The following HMGXB3 variants were observed in gnomAD, a reference collection of about 807,000 sequenced individuals.
HMGXB3 encodes the protein HMG domain-containing protein 3.
Under a neutral mutation model 121.5 loss-of-function variants are expected in HMGXB3, and 45 were observed. The observed-to-expected ratio is 0.37, with a 90% CI of 0.29 to 0.47. HMGXB3 has a LOEUF of 0.47. Ranked by LOEUF, HMGXB3 falls within the 20% of genes least tolerant of loss-of-function variation. The pLI is 0.99. For synonymous variants in HMGXB3, 590 were observed against 624.1 expected, an observed-to-expected ratio of 0.95 and a Z score of 0.81; for missense variants, 1,376 against 1,602.2, an observed-to-expected ratio of 0.86 and a Z score of 2.41.
At chr5:150,032,156 G>A (rs1231899951) in intron 10 of HMGXB3, among the ~76,000 whole-genome samples, 3 of 152,178 alleles carry the variant, frequency 2.0e-5, no homozygotes, top group Non-Finnish European at 2.9e-5. Context: ...AAACAGACCT[G>A]CTTTACTCCA....
At chr5:150,009,799 A>G (rs1048775115) in intron 3 of HMGXB3, among the ~76,000 whole-genome samples, 1 of 152,206 alleles carries the variant, frequency 6.6e-6, no homozygotes, top group African/African-American at 2.4e-5. Context: ...GCTCAAGGCT[A>G]TGCCAGACCT....
intron 11 of HMGXB3, among the ~76,000 whole-genome samples, chr5:150,033,659 G>C (rs373797576): frequency 6.6e-6 from 1 of 152,142 alleles, no homozygotes; most frequent in African/African-American, 2.4e-5. Flanking sequence ...TAGTCAGTGG[G>C]GTCCTACTGA....
At chr5:150,032,638 G>T (rs1353508010) in intron 11 of HMGXB3, 35 bp downstream of exon 11, 57 of 1,550,348 alleles carry the variant, frequency 3.7e-5, no homozygotes, top group Non-Finnish European at 4.9e-5. Context: ...CCCCTGGCCT[G>T]TTCTGGGCTC....
chr5:150,044,611 A>G (rs868554984), intron 15 of HMGXB3, among the ~76,000 whole-genome samples: 4 of 152,168 alleles, frequency 2.6e-5, no homozygotes, highest in Non-Finnish European at 5.9e-5. Context: ...AGGAATTTGC[A>G]TTTCTAACAA....
rs1322259648 is a variant in HMGXB3 at position 150,050,405 on chromosome 5, A to G, written c.3355A>G (p.Asn1119Asp). 6.4e-7 allele frequency: 1 copy of G among 1,551,568 alleles called. No individual in the cohort carries two copies. The highest frequency in any genetic ancestry group is 8.7e-7 in the Non-Finnish European group (1 of 1,146,982). Residue 1119 changes from asparagine (N) to aspartate (D), a missense_variant, in exon 19 of 20, where the codon AAC becomes GAC. Transcript: ENST00000502717. ...CADLCYPELT[N>D]QMWGRNQGCF... ...TGACCTCTGCTACCCAGAGCTGACT[A>G]ACCAGATGTGGGGGAGGAACCAGGG...
chr5:150,050,260 C>T lies in HMGXB3; in HGVS notation c.3210C>T (p.Cys1070=), dbSNP rs888027843. Residue 1070 remains cysteine, a synonymous_variant, in exon 19 of 20, where the codon TGC becomes TGT. Transcript: ENST00000502717. ...CACCCTTCATCTCCCAGGTGGTCTG[C>T]GGCTCCAAGTATCTTGTGCGAGGTG... is the stretch of plus-strand genomic sequence containing the variant. ...IYKVCPHQVV[C]GSKYLVRGES... is the part of the protein sequence containing the mutation. 60 of 1,551,686 alleles carry T rather than the reference C, an allele frequency of 3.9e-5. No homozygotes were observed. Among genetic ancestry groups the T allele is most frequent in the Non-Finnish European group, 5.0e-5 (57 of 1,146,960 alleles).
intron 14 of HMGXB3, 31 bp from the exon 15 acceptor site, chr5:150,041,754 G>A (rs759232897): frequency 2.6e-6 from 4 of 1,531,360 alleles, no homozygotes; most frequent in African/African-American, 1.4e-5. Context: ...CTTTTTCTGT[G>A]CCCTTCTCAG....
At chr5:150,025,619 G>A (rs1387745922) in intron 7 of HMGXB3, among the ~76,000 whole-genome samples, 1 of 148,848 alleles carries the variant, frequency 6.7e-6, no homozygotes, top group Non-Finnish European at 1.5e-5. Context: ...TCAGTCTGGA[G>A]TGCAGTGGTG....
chr5:150,044,385 T>A (rs1756707440), intron 15 of HMGXB3, among the ~76,000 whole-genome samples: 1 of 152,156 alleles, frequency 6.6e-6, no homozygotes, highest in Non-Finnish European at 1.5e-5. Context: ...TTCCCCTAGG[T>A]GTGCCATTTA....
rs188154498 is a variant in HMGXB3 at position 150,032,883 on chromosome 5, A to G, written c.1983+280A>G. Among the ~76,000 whole-genome samples, 9 of 152,288 alleles carry G rather than the reference A, an allele frequency of 5.9e-5. No individual in the cohort carries two copies. The East Asian group carries it at 1.7e-3, about 29-fold the overall frequency. ...GTAGCACAGGCCTTAAGTAGGAGTG[A>G]AAGGAGAGGGACGAAAGGGTTGCAT... On this transcript the variant is annotated intron_variant, in intron 11 of 19. Coordinates refer to ENST00000502717, the MANE Select transcript of HMGXB3 (RefSeq NM_014983.3).
At chr5:150,013,821 T>A (rs10066539) in intron 5 of HMGXB3, among the ~76,000 whole-genome samples, 1 of 152,238 alleles carries the variant, frequency 6.6e-6, no homozygotes, top group Admixed American at 6.5e-5. Context: ...TATTACCCTG[T>A]AATAAACAAT....
chr5:150,005,108 C>G, intron 2 of HMGXB3, 119 bp downstream of exon 2: 1 of 1,313,476 alleles, frequency 7.6e-7, no homozygotes, highest in Non-Finnish European at 1.0e-6. Flanking sequence ...AGTCCTGTGT[C>G]GAGGGATGAG....
chr5:150,003,993 A>G (rs140370687), intron 1 of HMGXB3, among the ~76,000 whole-genome samples: 2,793 of 152,064 alleles, frequency 0.018, 44 homozygotes, highest in Non-Finnish European at 0.029. Flanking sequence ...TTTCATTTGC[A>G]TAGCACTTGA....
chr5:150,012,362 T>G lies in HMGXB3; in HGVS notation c.909+9T>G. On this transcript the variant is annotated intron_variant, in intron 5 of 19. Coordinates refer to ENST00000502717, the MANE Select transcript of HMGXB3 (RefSeq NM_014983.3). ...CCACCTCCATCAAACTGGTCAGTAC[T>G]GTATGTGGGGGATTGATGGCAATTA... The G allele has an allele frequency of 2.0e-6, 3 of 1,536,490 alleles. No homozygotes were observed. The highest frequency in any genetic ancestry group is 2.6e-6 in the Non-Finnish European group (3 of 1,132,732).
At position 150,040,899 on chromosome 5, in the gene HMGXB3, CT is replaced by C. The variant is rs1448704512; in HGVS notation, c.2545+23del. On this transcript the variant is annotated intron_variant, in intron 14 of 19. Coordinates refer to ENST00000502717, the MANE Select transcript of HMGXB3 (RefSeq NM_014983.3). ...AGACAGGTAAAAGTTGTTTTCTTCCCTTTCCCAAGGTTAGTCCTAAGCTCCC... is the reference window on the plus strand; with the variant it reads ...AGACAGGTAAAAGTTGTTTTCTTCCCTTCCCAAGGTTAGTCCTAAGCTCCC... The C allele has an allele frequency of 1.9e-6, 3 of 1,539,688 alleles. No individual in the cohort carries two copies. The Admixed American group carries it at 6.1e-5, about 32-fold the overall frequency.
chr5:150,040,672 C>G, intron 13 of HMGXB3, 76 bp from the exon 14 acceptor site: 5 of 1,449,196 alleles, frequency 3.5e-6, no homozygotes, highest in Non-Finnish European at 4.6e-6. Flanking sequence ...GCCACCGCAC[C>G]CAGCTGGTGT....
chr5:150,023,630 G>A (rs10068537), intron 6 of HMGXB3, among the ~76,000 whole-genome samples: 127,302 of 152,292 alleles, frequency 0.84, 53,695 homozygotes, highest in African/African-American at 0.96. Context: ...AGGTCTAGCT[G>A]AAATAGCAGC....
At position 150,027,081 on chromosome 5, in the gene HMGXB3, G is replaced by C. The variant is rs1192088358; in HGVS notation, c.1698G>C (p.Gln566His). ...LKPSTLKQLG[Q>H]PIQQPSGPGE... ...CAAGCACACTGAAGCAGCTGGGCCA[G>C]CCCATTCAACAGCCATCTGGCCCTG... The change falls in exon 9 of 20, where the codon CAG becomes CAC. Residue 566 changes from glutamine to histidine, a missense_variant. Coordinates refer to ENST00000502717, the MANE Select transcript of HMGXB3 (RefSeq NM_014983.3). 6.4e-7 allele frequency: 1 copy of C among 1,551,710 alleles called. No individual in the cohort carries two copies. Among genetic ancestry groups the C allele is most frequent in the Non-Finnish European group, 8.7e-7 (1 of 1,146,996 alleles).
chr5:150,048,736 T>C (rs576394239), intron 18 of HMGXB3, 51 bp downstream of exon 18: 1 of 1,288,518 alleles, frequency 7.8e-7, no homozygotes, highest in Admixed American at 2.0e-5. Flanking sequence ...ATGTTGAACT[T>C]CCCATACAGG....
Sources: allele counts gnomAD v4.1 joint callset (sites outside exome capture counted in the v4.1 genomes callset), GRCh38; gene constraint gnomAD v4.1.1; transcripts MANE v1.5; gene names NCBI Gene and HGNC (gene_info 2026-07-23, HGNC 2026-07-21).